Variants in ADAMTS17 observed in about 807,000 individuals in gnomAD.
The protein encoded by ADAMTS17 is A disintegrin and metalloproteinase with thrombospondin motifs 17.
A neutral mutation model predicts 141.5 loss-of-function variants in ADAMTS17; 113 were observed. The observed-to-expected ratio is 0.80, with a 90% CI of 0.69 to 0.93. ADAMTS17 has a LOEUF of 0.93. Among genes scored for constraint, ADAMTS17 ranks in the 40% least tolerant of loss-of-function variants. ADAMTS17 has a pLI of 0.00. For missense variants in ADAMTS17, 1,659 were observed against 1,517.9 expected (o/e 1.09, Z -1.54); for synonymous variants, 768 against 630.6 (o/e 1.22, Z -3.27).
chr15:100,341,948 C>G lies in ADAMTS17; in HGVS notation c.-49G>C. The G allele has an allele frequency of 6.5e-7, 1 of 1,543,704 alleles. No individual in the cohort carries two copies. Among genetic ancestry groups the G allele is most frequent in the Non-Finnish European group, 8.7e-7 (1 of 1,143,310 alleles). ...CCGGACCGTGGCGGCGAAGCAGGAGCGCGCTAGGCGGCGGCGCCAGCCGGA... is the reference window on the plus strand; with the variant it reads ...CCGGACCGTGGCGGCGAAGCAGGAGGGCGCTAGGCGGCGGCGCCAGCCGGA... On this transcript the variant is annotated 5_prime_UTR_variant, in exon 1 of 22. Transcript: ENST00000268070.
At chr15:100,016,572 C>G (rs1388680560) in intron 18 of ADAMTS17, among the ~76,000 whole-genome samples, 2 of 152,314 alleles carry the variant, frequency 1.3e-5, no homozygotes, top group African/African-American at 2.4e-5. Flanking sequence ...TGATGGAGTA[C>G]TCTGCCCCTT....
chr15:100,297,714 G>C (rs1027774790), intron 3 of ADAMTS17, among the ~76,000 whole-genome samples: 1 of 152,190 alleles, frequency 6.6e-6, no homozygotes, highest in South Asian at 2.1e-4. Context: ...CAGGCTGGCT[G>C]CTGGCTGTGC....
intron 7 of ADAMTS17, among the ~76,000 whole-genome samples, chr15:100,253,182 G>T (rs1411042621): frequency 6.6e-6 from 1 of 151,470 alleles, no homozygotes; most frequent in Non-Finnish European, 1.5e-5. Context: ...GATGAACAAA[G>T]GTTCGCGTTA....
Position 100,308,652 on chromosome 15 carries a change from G to GA in ADAMTS17, c.616+22236dup, listed in dbSNP as rs201392889. Reference sequence around the variant, plus strand: ...TGTCAGTGTTGGATTCATGAAAAAAGAAAAAAAAGTAATGGGAAAGGAAAA... The same window carrying GA: ...TGTCAGTGTTGGATTCATGAAAAAAGAAAAAAAAAGTAATGGGAAAGGAAAA... On this transcript the variant is annotated intron_variant, in intron 3 of 21. Coordinates refer to ENST00000268070, the MANE Select transcript of ADAMTS17 (RefSeq NM_139057.4). Among the ~76,000 whole-genome samples the GA allele has an allele frequency of 1.3e-3, 200 of 151,798 alleles. 1 individual carries two copies. The highest frequency in any genetic ancestry group is 4.1e-3 in the African/African-American group (171 of 41,430).
At chr15:100,059,338 G>A (rs995834547) in intron 15 of ADAMTS17, among the ~76,000 whole-genome samples, 1 of 152,260 alleles carries the variant, frequency 6.6e-6, no homozygotes, top group African/African-American at 2.4e-5. Flanking sequence ...TTCCAGCTCA[G>A]AGCCTGCACG....
At chr15:100,238,635 A>G (rs2042733312) in intron 7 of ADAMTS17, among the ~76,000 whole-genome samples, 1 of 152,178 alleles carries the variant, frequency 6.6e-6, no homozygotes, top group East Asian at 1.9e-4. Context: ...GGCAGACAAG[A>G]CCAGAGTTAA....
intron 18 of ADAMTS17, among the ~76,000 whole-genome samples, chr15:100,037,335 C>A (rs1244146487): frequency 6.6e-6 from 1 of 151,302 alleles, no homozygotes; most frequent in Non-Finnish European, 1.5e-5. Flanking sequence ...CTGTTCAGAT[C>A]TTTTGTTCAG....
At chr15:100,044,110 T>C (rs2031489652) in intron 18 of ADAMTS17, among the ~76,000 whole-genome samples, 1 of 152,228 alleles carries the variant, frequency 6.6e-6, no homozygotes, top group South Asian at 2.1e-4. Context: ...GCCCACTTGT[T>C]GCAATGATCA....
Position 100,096,528 on chromosome 15 carries a change from T to C in ADAMTS17, c.2017-52A>G, listed in dbSNP as rs774404983. 23 of 1,612,974 alleles carry C rather than the reference T, an allele frequency of 1.4e-5. No homozygotes were observed. In the Admixed American group the frequency reaches 3.8e-4, roughly 27 times the overall value. ...CTGTGGTTAAGACTCAGAGGAGTTT[T>C]AAAGAGGCTGCCCTGCAAGGCTAAC... On this transcript the variant is annotated intron_variant, in intron 14 of 21. Transcript: ENST00000268070.
At chr15:100,041,158 TTAAGA>T (rs1438683551) in intron 18 of ADAMTS17, among the ~76,000 whole-genome samples, 1 of 152,200 alleles carries the variant, frequency 6.6e-6, no homozygotes, top group Non-Finnish European at 1.5e-5. Context: ...GCCAGCCTGA[TTAAGA>T]TAATTGAGGA....
chr15:100,080,831 G>A (rs2034683248), intron 15 of ADAMTS17, among the ~76,000 whole-genome samples: 1 of 152,174 alleles, frequency 6.6e-6, no homozygotes, highest in Admixed American at 6.5e-5. Context: ...TATTTGGGTT[G>A]GGGATTGGTG....
chr15:100,251,524 G>A (rs1158833846), intron 7 of ADAMTS17, among the ~76,000 whole-genome samples: 2 of 152,238 alleles, frequency 1.3e-5, no homozygotes, highest in African/African-American at 4.8e-5. Flanking sequence ...AGCAGATCGA[G>A]ACCATCCTGG....
At chr15:100,240,320 C>T (rs1415750028) in intron 7 of ADAMTS17, among the ~76,000 whole-genome samples, 1 of 152,226 alleles carries the variant, frequency 6.6e-6, no homozygotes, top group Non-Finnish European at 1.5e-5. Context: ...CTCCTCAGCC[C>T]CAGATGCCTT....
At chr15:100,283,871 C>T (rs2044363537) in intron 3 of ADAMTS17, among the ~76,000 whole-genome samples, 1 of 152,108 alleles carries the variant, frequency 6.6e-6, no homozygotes, top group Admixed American at 6.6e-5. Context: ...TTTGGAAGGC[C>T]AAGGAGGGCA....
At chr15:100,116,698 A>T (rs2037152468) in intron 13 of ADAMTS17, 149 bp downstream of exon 13, 1 of 1,068,284 alleles carries the variant, frequency 9.4e-7, no homozygotes, top group Admixed American at 2.0e-5. Flanking sequence ...CAACTTACAA[A>T]GTTGGGCCGC....
At chr15:100,333,471 G>A (rs2046116233) in intron 2 of ADAMTS17, among the ~76,000 whole-genome samples, 1 of 152,294 alleles carries the variant, frequency 6.6e-6, no homozygotes, top group Admixed American at 6.5e-5. Flanking sequence ...CCCAGGCACT[G>A]ATATTTTTTC....
At chr15:99,977,384 ATATATATATATAT>A (rs2060376696) in intron 20 of ADAMTS17, among the ~76,000 whole-genome samples, 3 of 14,778 alleles carry the variant, frequency 2.0e-4, no homozygotes, top group African/African-American at 8.0e-4. Context: ...ATATATATAT[ATATATATATATAT>A]ATAATTTTTT....
rs558725684 is a variant in ADAMTS17, at chr15:100,060,611, T to C, written c.2138-6557A>G. ...AAGCCCGAGTGGGGTTCTTTTAGTC[T>C]CTCTCCGTCCTAGCTTCACTGGAAG... On this transcript the variant is annotated intron_variant, in intron 15 of 21. Transcript: ENST00000268070. Among the ~76,000 whole-genome samples, 7 of 152,304 alleles carry C rather than the reference T, an allele frequency of 4.6e-5. 1 individual carries two copies. The highest frequency in any genetic ancestry group is 1.7e-4 in the African/African-American group (7 of 41,568).
At chr15:100,240,373 G>C (rs1446581822) in intron 7 of ADAMTS17, among the ~76,000 whole-genome samples, 3 of 152,228 alleles carry the variant, frequency 2.0e-5, no homozygotes, top group Non-Finnish European at 4.4e-5. Context: ...GCAAAGGCTG[G>C]AGGGTAGCAA....
Sources: gnomAD v4.1 joint callset for allele counts (sites outside exome capture counted in the v4.1 genomes callset) on GRCh38, gnomAD v4.1.1 for gene constraint, MANE v1.5 for transcripts, NCBI Gene and HGNC (gene_info 2026-07-23, HGNC 2026-07-21) for gene names.